UQCC6: variants seen among roughly 807,000 people sequenced by gnomAD.
The protein encoded by UQCC6 is protein BRAWNIN.
the UQCC6 span, among the ~76,000 whole-genome samples, chr12:103,958,731 ATAAAT>A: frequency 1.3e-5 from 2 of 152,212 alleles, no homozygotes; most frequent in African/African-American, 4.8e-5. Context: ...TGGTGTGTAA[ATAAAT>A]AAAATTTTAA....
At chr12:103,962,402 T>G in the UQCC6 span, among the ~76,000 whole-genome samples, 2 of 152,206 alleles carry the variant, frequency 1.3e-5, no homozygotes, top group African/African-American at 4.8e-5. Flanking sequence ...TCTAGAAATT[T>G]TACAGCTTTG....
At chr12:103,961,845 C>A in the UQCC6 span, among the ~76,000 whole-genome samples, 1 of 152,186 alleles carries the variant, frequency 6.6e-6, no homozygotes, top group East Asian at 1.9e-4. Flanking sequence ...CAGGCGTGAG[C>A]CACCGTGCTG....
At chr12:103,952,836 G>A in the UQCC6 span, among the ~76,000 whole-genome samples, 1 of 152,192 alleles carries the variant, frequency 6.6e-6, no homozygotes, top group Non-Finnish European at 1.5e-5. Flanking sequence ...CATGGAGGAG[G>A]ATGAGGGAGG....
the UQCC6 span, among the ~76,000 whole-genome samples, chr12:103,963,817 G>C: frequency 6.6e-6 from 1 of 151,950 alleles, no homozygotes; most frequent in Non-Finnish European, 1.5e-5. Flanking sequence ...TCACCTATTA[G>C]CTGTACTAGG....
the UQCC6 span, among the ~76,000 whole-genome samples, chr12:103,958,906 C>CCTA: frequency 6.6e-6 from 1 of 151,954 alleles, no homozygotes; most frequent in Non-Finnish European, 1.5e-5. Flanking sequence ...ACAAAAACCT[C>CCTA]CTTTCTTAAT....
At chr12:103,953,956 A>T in the UQCC6 span, among the ~76,000 whole-genome samples, 32 of 152,184 alleles carry the variant, frequency 2.1e-4, no homozygotes, top group Non-Finnish European at 3.4e-4. Flanking sequence ...GGTTCTTGTC[A>T]CTTTGTCTCC....
the UQCC6 span, among the ~76,000 whole-genome samples, chr12:103,952,985 A>G: frequency 6.6e-6 from 1 of 152,316 alleles, no homozygotes; most frequent in South Asian, 2.1e-4. Flanking sequence ...AGAGAGGTTA[A>G]GAGGAGACAA....
chr12:103,956,426 G>C, the UQCC6 span: 1 of 538,450 alleles, frequency 1.9e-6, no homozygotes. Flanking sequence ...CATTGCCCTA[G>C]ATGCAATGGG....
At chr12:103,957,820 A>G in the UQCC6 span, among the ~76,000 whole-genome samples, 1 of 151,214 alleles carries the variant, frequency 6.6e-6, no homozygotes. Context: ...AGGCGGGCGG[A>G]TCACTTGAGG....
At chr12:103,962,100 G>A in the UQCC6 span, among the ~76,000 whole-genome samples, 2 of 152,152 alleles carry the variant, frequency 1.3e-5, no homozygotes, top group Non-Finnish European at 2.9e-5. Context: ...TATGACAAAT[G>A]ACCATATTTT....
At chr12:103,960,017 C>T in the UQCC6 span, among the ~76,000 whole-genome samples, 1 of 151,766 alleles carries the variant, frequency 6.6e-6, no homozygotes, top group African/African-American at 2.4e-5. Flanking sequence ...ACAGGTGATC[C>T]GCCTGCCTCG....
the UQCC6 span, among the ~76,000 whole-genome samples, chr12:103,963,395 T>C: frequency 6.6e-6 from 1 of 152,190 alleles, no homozygotes; most frequent in Non-Finnish European, 1.5e-5. Context: ...TTGATTACTG[T>C]AGCCTTATAA....
the UQCC6 span, chr12:103,956,686 A>G: frequency 7.1e-6 from 11 of 1,551,722 alleles, no homozygotes; most frequent in Non-Finnish European, 9.6e-6. Context: ...CATGGCCAGG[A>G]GACTGGCTGC....
the UQCC6 span, among the ~76,000 whole-genome samples, chr12:103,964,047 A>G: frequency 6.7e-6 from 1 of 150,062 alleles, no homozygotes; most frequent in Non-Finnish European, 1.5e-5. Context: ...TGAGAGAGAG[A>G]CACTGATGGG....
At chr12:103,959,585 G>A in the UQCC6 span, among the ~76,000 whole-genome samples, 13 of 151,554 alleles carry the variant, frequency 8.6e-5, no homozygotes, top group East Asian at 3.9e-4. Flanking sequence ...GGTGGTGTGC[G>A]CCTGTAGTCC....
At chr12:103,953,706 A>G in the UQCC6 span, 6 of 643,684 alleles carry the variant, frequency 9.3e-6, no homozygotes, top group Middle Eastern at 4.1e-4. Context: ...TCACCACCCA[A>G]TCAAACTGAG....
the UQCC6 span, among the ~76,000 whole-genome samples, chr12:103,953,185 T>G: frequency 7.3e-3 from 1,104 of 152,212 alleles, 22 homozygotes; most frequent in African/African-American, 0.026. Context: ...CAGGAAGCTA[T>G]TACAATAACA....
the UQCC6 span, among the ~76,000 whole-genome samples, chr12:103,962,060 G>A: frequency 1.3e-5 from 2 of 152,154 alleles, no homozygotes; most frequent in African/African-American, 4.8e-5. Flanking sequence ...TTGTCACAAT[G>A]AAAAAATCAC....
the UQCC6 span, chr12:103,956,965 A>C: frequency 1.9e-6 from 1 of 525,256 alleles, no homozygotes. Flanking sequence ...CCCAGCCCCA[A>C]TCGTTTATCA....
Sources: allele counts gnomAD v4.1 joint callset (sites outside exome capture counted in the v4.1 genomes callset), GRCh38; gene constraint gnomAD v4.1.1; transcripts MANE v1.5; gene names NCBI Gene and HGNC (gene_info 2026-07-23, HGNC 2026-07-21).